The following SPTA1 variants were observed in gnomAD, a reference collection of about 807,000 sequenced individuals.
The protein encoded by SPTA1 is spectrin alpha, erythrocytic 1.
A neutral mutation model predicts 324.7 loss-of-function variants in SPTA1; 177 were observed. The observed-to-expected ratio is 0.55, with a 90% CI of 0.48 to 0.62. The LOEUF (loss-of-function observed/expected upper bound fraction) is 0.62, where lower values mean the gene tolerates loss of function less well. SPTA1 is among the 20% of genes least tolerant of loss of function. The pLI is 0.00. For synonymous variants in SPTA1, 1,195 were observed against 1,041.3 expected (o/e 1.15, Z -2.84); for missense variants, 3,162 against 2,883.6 (o/e 1.10, Z -2.21).
At chr1:158,642,304 T>TATA (rs1391645613) in intron 33 of SPTA1, 107 bp downstream of exon 33, 1 of 1,215,846 alleles carries the variant, frequency 8.2e-7, no homozygotes, top group African/African-American at 1.6e-5. Context: ...AAACTTAAAG[T>TATA]ATAATAATAA....
At chr1:158,640,604 C>A (rs1002718279) in intron 33 of SPTA1, among the ~76,000 whole-genome samples, 142 of 152,054 alleles carry the variant, frequency 9.3e-4, no homozygotes, top group African/African-American at 3.1e-3. Context: ...TAGGAATCCA[C>A]CTTACAAGGG....
chr1:158,653,470 A>T, intron 21 of SPTA1, 45 bp from the exon 22 acceptor site: 1 of 1,611,758 alleles, frequency 6.2e-7, no homozygotes, highest in Non-Finnish European at 8.5e-7. Flanking sequence ...TTCTTGGAAA[A>T]GCAACAAACG....
At chr1:158,668,479 T>C (rs776553849) in intron 14 of SPTA1, among the ~76,000 whole-genome samples, 18 of 152,262 alleles carry the variant, frequency 1.2e-4, no homozygotes, top group Non-Finnish European at 2.1e-4. Flanking sequence ...TGCAAACACA[T>C]ATGAACAAGC....
intron 42 of SPTA1, among the ~76,000 whole-genome samples, chr1:158,624,765 C>T (rs1350032682): frequency 1.3e-5 from 2 of 152,096 alleles, no homozygotes; most frequent in South Asian, 4.1e-4. Context: ...CTGTATAGGG[C>T]ACAAGTCTAG....
intron 43 of SPTA1, chr1:158,622,733 A>G (rs1226352065): frequency 2.2e-6 from 1 of 459,612 alleles, no homozygotes; most frequent in African/African-American, 2.0e-5. Context: ...CTCTTGTTCC[A>G]TCCACCTCTT....
At chr1:158,648,291 A>C (rs1652147360) in intron 26 of SPTA1, among the ~76,000 whole-genome samples, 10 of 152,222 alleles carry the variant, frequency 6.6e-5, no homozygotes, top group Admixed American at 6.5e-4. Flanking sequence ...TCACTCAGAC[A>C]GCAGGAGTTT....
intron 45 of SPTA1, among the ~76,000 whole-genome samples, chr1:158,618,637 T>G (rs180906896): frequency 3.3e-5 from 5 of 152,310 alleles, no homozygotes. Context: ...AGTTTGCTAT[T>G]AATAAGCACA....
chr1:158,668,452 A>G (rs1267050721), intron 14 of SPTA1, among the ~76,000 whole-genome samples: 1 of 152,224 alleles, frequency 6.6e-6, no homozygotes, highest in Non-Finnish European at 1.5e-5. Context: ...TAGTGGAGCC[A>G]TAACTCATCT....
chr1:158,651,959 T>C lies in SPTA1; in HGVS notation c.3376-491A>G, dbSNP rs146292193. Among the ~76,000 whole-genome samples, 929 of 151,308 alleles carry C rather than the reference T, an allele frequency of 6.1e-3. 13 individuals carry two copies. Among genetic ancestry groups the C allele is most frequent in the African/African-American group, 0.022 (896 of 41,204 alleles). ...TGTGTTAAATCCCACGTGGAAGATATCAAAAGAAAAAGAAAAGAAGGAATG... is the reference window on the plus strand; with the variant it reads ...TGTGTTAAATCCCACGTGGAAGATACCAAAAGAAAAAGAAAAGAAGGAATG... On this transcript the variant is annotated intron_variant, in intron 23 of 51. Coordinates refer to ENST00000643759, the MANE Select transcript of SPTA1 (RefSeq NM_003126.4).
At chr1:158,684,905 C>G (rs1655058767) in intron 2 of SPTA1, among the ~76,000 whole-genome samples, 1 of 152,140 alleles carries the variant, frequency 6.6e-6, no homozygotes, top group African/African-American at 2.4e-5. Context: ...AGTCTCACCT[C>G]TCCAACTTCA....
At chr1:158,622,355 C>T (rs924824923) in intron 43 of SPTA1, among the ~76,000 whole-genome samples, 4 of 151,660 alleles carry the variant, frequency 2.6e-5, no homozygotes, top group Non-Finnish European at 4.4e-5. Flanking sequence ...TATTTAGGTA[C>T]ATATAATGTA....
At chr1:158,676,344 C>T in intron 7 of SPTA1, 49 bp from the exon 8 acceptor site, 2 of 1,606,814 alleles carry the variant, frequency 1.2e-6, no homozygotes, top group South Asian at 1.1e-5. Flanking sequence ...ACTCTGACTC[C>T]CCCTGGCAAA....
intron 26 of SPTA1, 105 bp downstream of exon 26, chr1:158,648,404 A>G: frequency 1.3e-6 from 2 of 1,497,778 alleles, no homozygotes; most frequent in Non-Finnish European, 1.8e-6. Context: ...ACAGAGAGAA[A>G]TATAAGAATA....
At chr1:158,660,657 G>A (rs1354857641) in intron 18 of SPTA1, among the ~76,000 whole-genome samples, 1 of 152,148 alleles carries the variant, frequency 6.6e-6, no homozygotes, top group Non-Finnish European at 1.5e-5. Flanking sequence ...TCAGCAAACT[G>A]AATTTTAACC....
At position 158,662,781 on chromosome 1, in the gene SPTA1, C is replaced by T. The variant is rs754838993; in HGVS notation, c.2385G>A (p.Leu795=). Residue 795 remains leucine (L), a synonymous_variant, in exon 17 of 52, where the codon CTG becomes CTA. Coordinates refer to ENST00000643759, the MANE Select transcript of SPTA1 (RefSeq NM_003126.4). ...RKKKLLDLLH[L]QLICRDTEDE... ...CCTCTGTGTCTCTACAAATCAGCTG[C>T]AGATGGAGAAGGTCTAAGAGCTTCT... 7 of 1,614,048 alleles carry T rather than the reference C, an allele frequency of 4.3e-6. No individual in the cohort carries two copies. The highest frequency in any genetic ancestry group is 5.9e-6 in the Non-Finnish European group (7 of 1,179,994).
intron 16 of SPTA1, among the ~76,000 whole-genome samples, chr1:158,663,506 A>G (rs914854371): frequency 1.3e-5 from 2 of 152,234 alleles, no homozygotes; most frequent in African/African-American, 4.8e-5. Context: ...TATCTGAGAA[A>G]GGAGAGATAC....
rs200990199 is a variant in SPTA1, at chr1:158,611,297, G to A, written c.7227C>T (p.Tyr2409=). The part of the protein sequence containing the change: ...RGRSHLSGYD[Y]VGFTNSYFGN The stretch of plus-strand genomic sequence containing the variant: ...CAAAGTAGGAATTGGTGAAGCCAAC[G>A]TAGTCATAGCCAGAGAGATGGCTTC... Residue 2409 remains tyrosine (Y), a synonymous_variant, in exon 52 of 52, where the codon TAC becomes TAT. Coordinates refer to ENST00000643759, the MANE Select transcript of SPTA1 (RefSeq NM_003126.4). 5.8e-5 allele frequency: 93 copies of A among 1,613,784 alleles called. No individual in the cohort carries two copies. The highest frequency in any genetic ancestry group is 7.0e-5 in the Non-Finnish European group (82 of 1,179,796).
rs188606692 is a variant in SPTA1 at position 158,652,942 on chromosome 1, A to G, written c.3189-289T>C. ...ATAAAAGTGACATTTTTACATGGTAACTGACAATTGGATATGAAAAGCCTG... is the reference window on the plus strand; with the variant it reads ...ATAAAAGTGACATTTTTACATGGTAGCTGACAATTGGATATGAAAAGCCTG... On this transcript the variant is annotated intron_variant, in intron 22 of 51. Coordinates refer to ENST00000643759, the MANE Select transcript of SPTA1 (RefSeq NM_003126.4). Among the ~76,000 whole-genome samples, 3 of 152,282 alleles carry G rather than the reference A, an allele frequency of 2.0e-5. No homozygotes were observed. The East Asian group carries it at 5.8e-4, about 29-fold the overall frequency.
Position 158,648,627 on chromosome 1 carries a change from A to G in SPTA1, c.3596T>C (p.Ile1199Thr). The change falls in exon 26 of 52, where the codon ATT (isoleucine) becomes ACT (threonine). Residue 1199 changes from isoleucine to threonine, a missense_variant. By Grantham distance (89) the Ile-to-Thr change is moderately conservative. Coordinates refer to ENST00000643759, the MANE Select transcript of SPTA1 (RefSeq NM_003126.4). The stretch of plus-strand genomic sequence containing the variant: ...ACTGAGGGCCTGGCATTTCTTCTCA[A>G]TCTGCTCCTTCGTGTCATCTGCTTC... The part of the protein sequence containing the change: ...HREADDTKEQ[I>T]EKKCQALSAA... The G allele has an allele frequency of 6.2e-7, 1 of 1,613,842 alleles. No homozygotes were observed. The highest frequency in any genetic ancestry group is 8.5e-7 in the Non-Finnish European group (1 of 1,179,938).
Sources: allele counts gnomAD v4.1 joint callset (sites outside exome capture counted in the v4.1 genomes callset), GRCh38; gene constraint gnomAD v4.1.1; transcripts MANE v1.5; gene names NCBI Gene and HGNC (gene_info 2026-07-23, HGNC 2026-07-21).